CDKL2: variants seen among roughly 807,000 people sequenced by gnomAD.
The protein encoded by CDKL2 is cyclin dependent kinase like 2.
A neutral mutation model predicts 63.9 loss-of-function variants in CDKL2; 64 were observed. The ratio of observed to expected loss-of-function variants is 1.00; its 90% CI spans 0.82 to 1.23. The LOEUF is 1.23. Ranked by LOEUF, CDKL2 falls within the 50% of genes most tolerant of loss-of-function variation. The pLI, the probability that CDKL2 is intolerant of heterozygous loss-of-function variation, is 0.00. For missense variants in CDKL2, 656 were observed against 668.0 expected (o/e 0.98, Z 0.20); for synonymous variants, 211 against 229.2 (o/e 0.92, Z 0.72).
intron 1 of CDKL2, among the ~76,000 whole-genome samples, chr4:75,628,117 ATT>A (rs759097598): frequency 5.0e-5 from 7 of 140,810 alleles, no homozygotes; most frequent in Non-Finnish European, 4.7e-5. Context: ...TGTGTTTGAA[ATT>A]TTTTTTTTTT....
chr4:75,629,677 C>T lies in CDKL2; in HGVS notation c.-30+365G>A, dbSNP rs562674494. Among the ~76,000 whole-genome samples, 34 of 152,264 alleles carry T rather than the reference C, an allele frequency of 2.2e-4. 1 individual carries two copies. The South Asian group carries it at 6.4e-3, about 29-fold the overall frequency. On this transcript the variant is annotated intron_variant, in intron 1 of 13. Transcript: ENST00000307465. ...TTAAAGGGCCGGGAGCGGTGGCTCA[C>T]GCCTGTAATCCCAACACTTTGGGAG...
intron 1 of CDKL2, among the ~76,000 whole-genome samples, chr4:75,629,563 G>A (rs1730581366): frequency 3.3e-5 from 5 of 152,194 alleles, no homozygotes; most frequent in Admixed American, 3.3e-4. Context: ...TGGCCAATGG[G>A]CAAGGTGTTA....
chr4:75,618,968 TC>T (rs1372515531), intron 2 of CDKL2, among the ~76,000 whole-genome samples: 3 of 152,202 alleles, frequency 2.0e-5, no homozygotes, highest in African/African-American at 7.2e-5. Context: ...CATGTACCTG[TC>T]AGAAGCAAAT....
At chr4:75,614,774 C>T (rs3796488) in intron 2 of CDKL2, among the ~76,000 whole-genome samples, 1 of 151,576 alleles carries the variant, frequency 6.6e-6, no homozygotes, top group African/African-American at 2.4e-5. Context: ...AATCTAATCA[C>T]GGTCAAACAG....
At chr4:75,602,943 G>A (rs1369310409) in intron 6 of CDKL2, among the ~76,000 whole-genome samples, 1 of 150,594 alleles carries the variant, frequency 6.6e-6, no homozygotes, top group African/African-American at 2.4e-5. Context: ...TTTCAGTGAG[G>A]ATGTTTTCAC....
At chr4:75,591,459 T>C (rs368150666) in intron 12 of CDKL2, among the ~76,000 whole-genome samples, 43 of 152,012 alleles carry the variant, frequency 2.8e-4, no homozygotes, top group African/African-American at 1.0e-3. Flanking sequence ...TAATTAGATA[T>C]GGTGGTGCAT....
intron 10 of CDKL2, 86 bp downstream of exon 10, chr4:75,596,161 C>T (rs1023118026): frequency 2.5e-6 from 2 of 792,402 alleles, no homozygotes; most frequent in Admixed American, 2.3e-5. Context: ...ACAAAATTCT[C>T]AATACTTCAC....
intron 6 of CDKL2, among the ~76,000 whole-genome samples, chr4:75,602,372 G>T (rs1010617689): frequency 1.3e-5 from 2 of 152,084 alleles, no homozygotes; most frequent in African/African-American, 2.4e-5. Flanking sequence ...TAGAGATGGG[G>T]TTTCACCATC....
In CDKL2 at chr4:75,595,976, AGAAGGAAGGAAGGAAG is replaced by A. The variant is rs554405215; in HGVS notation, c.1416+255_1416+270del. On this transcript the variant is annotated intron_variant, in intron 10 of 13. Coordinates refer to ENST00000307465, the MANE Select transcript of CDKL2 (RefSeq NM_001330724.2). ...AGAGAGGAAGGAAGGAAGGAAGGAA[AGAAGGAAGGAAGGAAG>A]GAAGGAAGGAAGGAAGGAAGGAAGG... 3.7e-3 allele frequency: 578 copies of A among 155,790 alleles called. 5 individuals carry two copies. The highest frequency in any genetic ancestry group is 0.024 in the South Asian group (190 of 7,872). The allele number at this position is 155,790 out of a possible 1,614,324, so 9.7% of individuals were successfully genotyped here.
intron 12 of CDKL2, among the ~76,000 whole-genome samples, chr4:75,588,424 A>C: frequency 6.6e-6 from 1 of 152,148 alleles, no homozygotes; most frequent in African/African-American, 2.4e-5. Context: ...ATCTTTTTTA[A>C]AAAAGGGAAA....
At chr4:75,609,641 CAT>C (rs1431725746) in intron 3 of CDKL2, among the ~76,000 whole-genome samples, 1 of 146,856 alleles carries the variant, frequency 6.8e-6, no homozygotes, top group Non-Finnish European at 1.5e-5. Context: ...AGATATATAT[CAT>C]ATATGATATA....
Position 75,624,131 on chromosome 4 carries a change from C to CA in CDKL2, c.168+1689dup, listed in dbSNP as rs35798736. 3.0e-3 allele frequency among the ~76,000 whole-genome samples: 359 copies of CA among 118,410 alleles called. 4 individuals carry two copies. The highest frequency in any genetic ancestry group is 9.4e-3 in the African/African-American group (312 of 33,114). 77.7% of individuals were successfully genotyped at this position (118,410 alleles called of 152,430 possible). The stretch of plus-strand genomic sequence containing the variant: ...AGATGACAAGTGTGAAACTCCATCT[C>CA]AAAAAAAAAAAAAAAAGAATTCAGA... On this transcript the variant is annotated intron_variant, in intron 2 of 13. Coordinates refer to ENST00000307465, the MANE Select transcript of CDKL2 (RefSeq NM_001330724.2).
intron 5 of CDKL2, among the ~76,000 whole-genome samples, chr4:75,605,054 AAATT>A (rs1476010967): frequency 6.6e-6 from 1 of 152,194 alleles, no homozygotes; most frequent in Non-Finnish European, 1.5e-5. Flanking sequence ...AGGAAAAAAT[AAATT>A]AAAACACACA....
intron 3 of CDKL2, among the ~76,000 whole-genome samples, chr4:75,607,954 T>A (rs1400789247): frequency 1.3e-5 from 2 of 148,182 alleles, no homozygotes; most frequent in Non-Finnish European, 1.5e-5. Flanking sequence ...GTGGGACTAC[T>A]GGCGCCTGCC....
intron 7 of CDKL2, among the ~76,000 whole-genome samples, chr4:75,599,548 C>CAAAAA (rs71657365): frequency 5.9e-4 from 41 of 69,644 alleles, no homozygotes; most frequent in African/African-American, 1.1e-3. Context: ...GCAACAAGAG[C>CAAAAA]AAAAAAAAAA....
chr4:75,591,123 T>C (rs1728696052), intron 12 of CDKL2, among the ~76,000 whole-genome samples: 1 of 152,178 alleles, frequency 6.6e-6, no homozygotes, highest in African/African-American at 2.4e-5. Flanking sequence ...ATATGTCAAA[T>C]AGATAATCTA....
chr4:75,628,256 C>T (rs1730523460), intron 1 of CDKL2, among the ~76,000 whole-genome samples: 1 of 151,724 alleles, frequency 6.6e-6, no homozygotes, highest in Non-Finnish European at 1.5e-5. Context: ...GCTGGGACTA[C>T]AGGCGCCTGC....
rs1328487784 is a variant in CDKL2 at position 75,598,089 on chromosome 4, T to C, written c.1008A>G (p.Thr336=). ...CATGAACATTTACCTGTACCACAAG[T>C]GTTTTTCTTTCTTCAACTAAGGAAT... ...KDDSLVEERK[T]LVVQDTNADP... The change falls in exon 8 of 14, where the codon ACA becomes ACG. Residue 336 remains threonine (T), a synonymous_variant. Transcript: ENST00000307465. The C allele has an allele frequency of 2.6e-6, 4 of 1,523,218 alleles. No individual in the cohort carries two copies. The highest frequency in any genetic ancestry group is 3.6e-6 in the Non-Finnish European group (4 of 1,123,834). The allele number at this position is 1,523,218 out of a possible 1,614,324, so 94.4% of individuals were successfully genotyped here.
At chr4:75,609,221 G>A (rs1011011331) in intron 3 of CDKL2, among the ~76,000 whole-genome samples, 3 of 152,076 alleles carry the variant, frequency 2.0e-5, no homozygotes, top group Admixed American at 6.6e-5. Context: ...CAGGCAATTA[G>A]AAATGTAAAG....
Sources: gnomAD v4.1 joint callset for allele counts (sites outside exome capture counted in the v4.1 genomes callset) on GRCh38, gnomAD v4.1.1 for gene constraint, MANE v1.5 for transcripts, NCBI Gene and HGNC (gene_info 2026-07-23, HGNC 2026-07-21) for gene names.